KSR2: variants seen among roughly 807,000 people sequenced by gnomAD.
The protein encoded by KSR2 is kinase suppressor of ras 2.
A neutral mutation model predicts 107.8 loss-of-function variants in KSR2; 25 were observed. The ratio of observed to expected loss-of-function variants is 0.23; its 90% CI spans 0.17 to 0.32. The LOEUF (loss-of-function observed/expected upper bound fraction) is 0.32. Ranked by LOEUF, KSR2 falls within the 10% of genes least tolerant of loss-of-function variation. The probability of loss-of-function intolerance (pLI) is 1.00; values close to 1 mark genes in which losing one functional copy is unlikely to be tolerated. For synonymous variants in KSR2, 480 were observed against 507.0 expected, an observed-to-expected ratio of 0.95 and a Z score of 0.71; for missense variants, 887 against 1,268.9, an observed-to-expected ratio of 0.70 and a Z score of 4.57.
At chr12:117,616,855 G>C (rs1881918834) in intron 5 of KSR2, among the ~76,000 whole-genome samples, 1 of 152,118 alleles carries the variant, frequency 6.6e-6, no homozygotes, top group African/African-American at 2.4e-5. Flanking sequence ...AGAAAGCCAG[G>C]CTCCATGATT....
chr12:117,666,649 A>G (rs1044971218), intron 5 of KSR2, among the ~76,000 whole-genome samples: 1 of 152,226 alleles, frequency 6.6e-6, no homozygotes, highest in African/African-American at 2.4e-5. Flanking sequence ...AACATGTCTC[A>G]TCATTTCTCA....
chr12:117,927,549 C>T lies in KSR2; in HGVS notation c.180+40527G>A, dbSNP rs534235912. Among the ~76,000 whole-genome samples, 25 of 151,848 alleles carry T rather than the reference C, an allele frequency of 1.6e-4. No homozygotes were observed. In the South Asian group the frequency reaches 3.8e-3, roughly 23 times the overall value. ...TCTACTAAAAAATACAAAAAGTAGC[C>T]GAGTGTGGTGGCACGAGCCTGTAAT... On this transcript the variant is annotated intron_variant, in intron 1 of 19. Coordinates refer to ENST00000339824, the MANE Select transcript of KSR2 (RefSeq NM_173598.6).
chr12:117,730,757 G>A (rs796367164), intron 4 of KSR2, among the ~76,000 whole-genome samples: 30 of 152,324 alleles, frequency 2.0e-4, no homozygotes, highest in African/African-American at 6.7e-4. Flanking sequence ...TGATCTGCCC[G>A]CCTCGGCCTC....
intron 5 of KSR2, among the ~76,000 whole-genome samples, chr12:117,588,804 A>G (rs1046099762): frequency 6.6e-6 from 1 of 152,214 alleles, no homozygotes; most frequent in Non-Finnish European, 1.5e-5. Context: ...CATGAGCTTC[A>G]GTGTTCTCAG....
At chr12:117,517,928 T>C (rs1348001539) in intron 14 of KSR2, 1 of 452,960 alleles carries the variant, frequency 2.2e-6, no homozygotes, top group African/African-American at 2.0e-5. Context: ...GTTACCACCT[T>C]AACAGAAGGC....
At chr12:117,800,279 C>T (rs1179635015) in intron 3 of KSR2, among the ~76,000 whole-genome samples, 1 of 152,082 alleles carries the variant, frequency 6.6e-6, no homozygotes, top group African/African-American at 2.4e-5. Context: ...GTTTATTGAG[C>T]CCACTATACA....
chr12:117,561,085 T>C (rs532881984), intron 7 of KSR2, among the ~76,000 whole-genome samples: 22 of 152,348 alleles, frequency 1.4e-4, no homozygotes, highest in South Asian at 1.0e-3. Context: ...GATAATGAGA[T>C]ACATTTTCAT....
chr12:117,711,298 G>A (rs548536108), intron 4 of KSR2, among the ~76,000 whole-genome samples: 2 of 152,218 alleles, frequency 1.3e-5, no homozygotes, highest in Admixed American at 6.5e-5. Flanking sequence ...GGCTGAAACT[G>A]AGATCAGAAG....
chr12:117,770,589 A>G (rs904845138), intron 3 of KSR2, among the ~76,000 whole-genome samples: 1 of 151,946 alleles, frequency 6.6e-6, no homozygotes, highest in East Asian at 1.9e-4. Context: ...GGACTGCCAC[A>G]TAAAAGCCTG....
rs117633035 is a variant in KSR2 at position 117,786,140 on chromosome 12, A to T, written c.473-24616T>A. ...TGACAGGAGATTTCTTATCAAGACT[A>T]TGAAAGACAAGTTACTAGAACATCT... On this transcript the variant is annotated intron_variant, in intron 3 of 19. Transcript: ENST00000339824. Among the ~76,000 whole-genome samples, 729 of 152,292 alleles carry T rather than the reference A, an allele frequency of 4.8e-3. 24 individuals carry two copies. The East Asian group carries it at 0.11, about 22-fold the overall frequency.
chr12:117,650,715 T>C (rs577602907), intron 5 of KSR2, among the ~76,000 whole-genome samples: 1 of 152,320 alleles, frequency 6.6e-6, no homozygotes, highest in Admixed American at 6.5e-5. Context: ...TTGACCATAT[T>C]TGGAGACCCA....
At chr12:117,492,042 G>A (rs968351584) in intron 14 of KSR2, among the ~76,000 whole-genome samples, 7 of 152,146 alleles carry the variant, frequency 4.6e-5, no homozygotes, top group Admixed American at 1.3e-4. Context: ...TGCACCTCTC[G>A]GTATTTCTGT....
intron 14 of KSR2, among the ~76,000 whole-genome samples, chr12:117,518,207 C>G (rs1018144045): frequency 6.6e-6 from 1 of 152,096 alleles, no homozygotes; most frequent in Non-Finnish European, 1.5e-5. Context: ...TCTGGGAACC[C>G]AGCGAGGGGA....
At position 117,906,108 on chromosome 12, in the gene KSR2, C is replaced by T. The variant is rs142498829; in HGVS notation, c.181-45677G>A. Among the ~76,000 whole-genome samples the T allele has an allele frequency of 1.7e-3, 266 of 152,038 alleles. 2 individuals carry two copies. The highest frequency in any genetic ancestry group is 6.0e-3 in the African/African-American group (248 of 41,482). On this transcript the variant is annotated intron_variant, in intron 1 of 19. Transcript: ENST00000339824. ...GCTCACACCTGTAATCCCAGCACTT[C>T]GGGAGGCCGAGGCGGGCAGATCACC...
chr12:117,809,487 C>A (rs984465412), intron 3 of KSR2, among the ~76,000 whole-genome samples: 2 of 152,126 alleles, frequency 1.3e-5, no homozygotes, highest in Non-Finnish European at 2.9e-5. Flanking sequence ...GTGCAAAAAT[C>A]ACCCCCAGTT....
intron 4 of KSR2, chr12:117,674,535 C>T (rs372695999): frequency 1.4e-5 from 6 of 419,692 alleles, no homozygotes; most frequent in African/African-American, 1.2e-4. Flanking sequence ...GCCCCTGCAC[C>T]ACCAATCAGC....
chr12:117,475,080 C>A (rs762247211), intron 17 of KSR2, among the ~76,000 whole-genome samples: 2 of 152,146 alleles, frequency 1.3e-5, no homozygotes, highest in Non-Finnish European at 2.9e-5. Flanking sequence ...GTGAAGGCTG[C>A]CAGCATTTCC....
chr12:117,779,156 G>C (rs1459520180), intron 3 of KSR2, among the ~76,000 whole-genome samples: 2 of 152,186 alleles, frequency 1.3e-5, no homozygotes, highest in East Asian at 3.9e-4. Flanking sequence ...TCTTGACCTA[G>C]AGGCAGAGAG....
chr12:117,968,758 GT>G lies in KSR2; in HGVS notation c.-504del, dbSNP rs1896871785. The G allele has an allele frequency of 6.4e-6, 1 of 156,320 alleles. No homozygotes were observed. Among genetic ancestry groups the G allele is most frequent in the Admixed American group, 6.5e-5 (1 of 15,314 alleles). 9.7% of individuals were successfully genotyped at this position (156,320 alleles called of 1,614,324 possible). On this transcript the variant is annotated 5_prime_UTR_variant, in exon 1 of 20. An upstream open reading frame in the 5' UTR loses its in-frame stop. Coordinates refer to ENST00000339824, the MANE Select transcript of KSR2 (RefSeq NM_173598.6). ...TTGCTTTTATGTCAAAAAAAATCTGGTTTTCCCCCCTCCCAGTTGCAGGGAC... is the reference window on the plus strand; with the variant it reads ...TTGCTTTTATGTCAAAAAAAATCTGGTTTCCCCCCTCCCAGTTGCAGGGAC...
Sources: gnomAD v4.1 joint callset for allele counts (sites outside exome capture counted in the v4.1 genomes callset) on GRCh38, gnomAD v4.1.1 for gene constraint, MANE v1.5 for transcripts, NCBI Gene and HGNC (gene_info 2026-07-23, HGNC 2026-07-21) for gene names.